GALNTL6: variants seen among roughly 807,000 people sequenced by gnomAD.
The protein encoded by GALNTL6 is polypeptide N-acetylgalactosaminyltransferase like 6, also known as polypeptide N-acetylgalactosaminyltransferase-like 6.
Under a neutral mutation model 73.7 loss-of-function variants are expected in GALNTL6, and 46 were observed. The observed-to-expected ratio is 0.62, with a 90% CI of 0.49 to 0.80. The LOEUF (loss-of-function observed/expected upper bound fraction) is 0.80. GALNTL6 is among the 30% of genes least tolerant of loss of function. The pLI is 0.00. For synonymous variants in GALNTL6, 259 were observed against 263.7 expected, an observed-to-expected ratio of 0.98 and a Z score of 0.17; for missense variants, 604 against 755.0, an observed-to-expected ratio of 0.80 and a Z score of 2.34.
At position 172,334,690 on chromosome 4, in the gene GALNTL6, A is replaced by G. The variant is rs144427468; in HGVS notation, c.387-13833A>G. 2.0e-5 allele frequency among the ~76,000 whole-genome samples: 3 copies of G among 152,262 alleles called. No homozygotes were observed. In the East Asian group the frequency reaches 5.8e-4, roughly 29 times the overall value. ...CAGAGAAGAAAAAAAATTTGATTTT[A>G]TCTTTTCATATTTGGTTGCATTTAT... On this transcript the variant is annotated intron_variant, in intron 4 of 12. Transcript: ENST00000506823.
At chr4:172,098,001 G>T (rs760252215) in intron 2 of GALNTL6, among the ~76,000 whole-genome samples, 1 of 151,894 alleles carries the variant, frequency 6.6e-6, no homozygotes, top group Non-Finnish European at 1.5e-5. Flanking sequence ...TTTGCCAAAG[G>T]AAATGGACAT....
At chr4:172,082,179 A>G (rs1194660364) in intron 2 of GALNTL6, among the ~76,000 whole-genome samples, 1 of 152,152 alleles carries the variant, frequency 6.6e-6, no homozygotes, top group Non-Finnish European at 1.5e-5. Flanking sequence ...CAAGTCAAGT[A>G]ATATTTTCTA....
intron 2 of GALNTL6, among the ~76,000 whole-genome samples, chr4:172,034,953 A>G (rs1043217110): frequency 6.6e-6 from 1 of 152,136 alleles, no homozygotes; most frequent in Non-Finnish European, 1.5e-5. Flanking sequence ...TGCAATATGT[A>G]CAATTCCTAA....
At chr4:172,400,223 G>A (rs1446229762) in intron 5 of GALNTL6, among the ~76,000 whole-genome samples, 1 of 152,066 alleles carries the variant, frequency 6.6e-6, no homozygotes, top group Non-Finnish European at 1.5e-5. Flanking sequence ...GGATTAGTAA[G>A]TGCTAGATAA....
chr4:172,204,891 C>T (rs558080802), intron 2 of GALNTL6, among the ~76,000 whole-genome samples: 1 of 152,228 alleles, frequency 6.6e-6, no homozygotes, highest in African/African-American at 2.4e-5. Context: ...TGTTTCTATA[C>T]AGCTGTATCA....
chr4:172,708,937 T>C (rs565468094), intron 5 of GALNTL6, among the ~76,000 whole-genome samples: 1 of 152,332 alleles, frequency 6.6e-6, no homozygotes, highest in Admixed American at 6.5e-5. Flanking sequence ...CTAAGTGGGA[T>C]TTGAAGGCAT....
At chr4:171,842,681 C>A (rs1021598897) in intron 2 of GALNTL6, among the ~76,000 whole-genome samples, 14 of 152,056 alleles carry the variant, frequency 9.2e-5, no homozygotes, top group African/African-American at 3.1e-4. Flanking sequence ...AACCAGATCC[C>A]CAGTGAACTA....
chr4:172,044,978 C>G (rs1742178975), intron 2 of GALNTL6, among the ~76,000 whole-genome samples: 1 of 151,944 alleles, frequency 6.6e-6, no homozygotes, highest in Admixed American at 6.6e-5. Context: ...ATGTAAAACC[C>G]ATGTCAAGTA....
intron 5 of GALNTL6, among the ~76,000 whole-genome samples, chr4:172,754,427 C>T (rs1307090028): frequency 6.6e-6 from 1 of 152,030 alleles, no homozygotes; most frequent in East Asian, 1.9e-4. Flanking sequence ...AAAAAATTAG[C>T]CAGATGTGAT....
intron 9 of GALNTL6, among the ~76,000 whole-genome samples, chr4:172,935,569 A>T (rs1299960649): frequency 1.3e-5 from 2 of 152,150 alleles, no homozygotes; most frequent in African/African-American, 4.8e-5. Context: ...GAAGAACTAA[A>T]TAGATGCAAT....
intron 5 of GALNTL6, among the ~76,000 whole-genome samples, chr4:172,642,486 AAT>A (rs1740033852): frequency 6.6e-6 from 1 of 151,956 alleles, no homozygotes; most frequent in South Asian, 2.1e-4. Flanking sequence ...TAGAGAGACA[AAT>A]ACTACATGAT....
chr4:172,273,510 T>C (rs1738726089), intron 3 of GALNTL6, among the ~76,000 whole-genome samples: 1 of 152,082 alleles, frequency 6.6e-6, no homozygotes. Context: ...ATAGAAATAA[T>C]AATTAATGCT....
intron 3 of GALNTL6, among the ~76,000 whole-genome samples, chr4:172,234,004 A>G (rs976552150): frequency 2.6e-5 from 4 of 152,014 alleles, no homozygotes; most frequent in African/African-American, 7.2e-5. Context: ...AACTAATATT[A>G]TATTGATTTT....
intron 7 of GALNTL6, among the ~76,000 whole-genome samples, chr4:172,870,653 G>C (rs531268921): frequency 9.2e-5 from 14 of 152,344 alleles, no homozygotes; most frequent in Admixed American, 4.6e-4. Context: ...TTACAGGGCA[G>C]TGTGAGCTAC....
chr4:172,290,869 A>G (rs1230713340), intron 3 of GALNTL6, among the ~76,000 whole-genome samples: 1 of 151,858 alleles, frequency 6.6e-6, no homozygotes, highest in East Asian at 1.9e-4. Context: ...TTAAACCCAA[A>G]TTAAGAAAAC....
intron 5 of GALNTL6, among the ~76,000 whole-genome samples, chr4:172,749,092 GT>G (rs34281651): frequency 0.2 from 30,154 of 147,210 alleles, 3,601 homozygotes; most frequent in East Asian, 0.31. Flanking sequence ...GTTGTTGTTT[GT>G]TTTTTTTTTG....
At chr4:171,898,816 C>A (rs6841063) in intron 2 of GALNTL6, among the ~76,000 whole-genome samples, 3,041 of 151,864 alleles carry the variant, frequency 0.02, 88 homozygotes, top group African/African-American at 0.069. Flanking sequence ...GTACAACTGC[C>A]AAAATGCGTC....
chr4:171,853,714 CG>C (rs1735597126), intron 2 of GALNTL6, among the ~76,000 whole-genome samples: 1 of 143,496 alleles, frequency 7.0e-6, no homozygotes, highest in African/African-American at 2.6e-5. Flanking sequence ...TAGGTCCAAG[CG>C]ATTCTCCTGC....
chr4:172,556,483 G>A (rs1284861847), intron 5 of GALNTL6, among the ~76,000 whole-genome samples: 1 of 151,970 alleles, frequency 6.6e-6, no homozygotes, highest in Non-Finnish European at 1.5e-5. Flanking sequence ...TATCAATTTT[G>A]AGTAACATTT....
Sources: allele counts gnomAD v4.1 joint callset (sites outside exome capture counted in the v4.1 genomes callset), GRCh38; gene constraint gnomAD v4.1.1; transcripts MANE v1.5; gene names NCBI Gene and HGNC (gene_info 2026-07-23, HGNC 2026-07-21).